Variants in ZNF600 observed in about 807,000 individuals in gnomAD.
The protein encoded by ZNF600 is zinc finger protein KR-ZNF1.
A neutral mutation model predicts 7.3 loss-of-function variants in ZNF600; 4 were observed. That is an observed-to-expected ratio of 0.55 (90% CI 0.27 to 1.25). The LOEUF (loss-of-function observed/expected upper bound fraction) is 1.25. Among genes scored for constraint, ZNF600 ranks in the 50% most tolerant of loss-of-function variants. The pLI, the probability that ZNF600 is intolerant of heterozygous loss-of-function variation, is 0.12. For synonymous variants in ZNF600, 290 were observed against 308.9 expected (o/e 0.94, Z 0.64); for missense variants, 911 against 922.1 (o/e 0.99, Z 0.16).
At chr19:52,766,856 T>G in exon 4 of ZNF600, 1 of 1,614,190 alleles carries the variant, frequency 6.2e-7, no homozygotes, top group Non-Finnish European at 8.5e-7. Flanking sequence ...ATTTGTAAGG[T>G]TTCTCTCCAG....
At chr19:52,776,053 C>T (rs534089262) in intron 2 of ZNF600, among the ~76,000 whole-genome samples, 1 of 140,474 alleles carries the variant, frequency 7.1e-6, no homozygotes, top group East Asian at 2.0e-4. Context: ...ACAGCAATAG[C>T]CATGACTAAC....
intron 1 of ZNF600, among the ~76,000 whole-genome samples, chr19:52,784,399 C>T (rs924174981): frequency 6.6e-6 from 1 of 152,122 alleles, no homozygotes; most frequent in African/African-American, 2.4e-5. Flanking sequence ...GAGCCAGACC[C>T]TGTCTCAAAA....
At chr19:52,832,418 T>C in the ZNF600 span, among the ~76,000 whole-genome samples, 4 of 151,506 alleles carry the variant, frequency 2.6e-5, no homozygotes, top group Non-Finnish European at 5.9e-5. Context: ...TATGGTGAAA[T>C]CTCATCTCTA....
upstream of ZNF600, among the ~76,000 whole-genome samples, chr19:52,787,506 A>C (rs1251880674): frequency 8.6e-5 from 12 of 139,176 alleles, no homozygotes; most frequent in Non-Finnish European, 1.5e-4. Flanking sequence ...TCCCGGGTTC[A>C]CGCCCTTCTC....
At chr19:52,786,814 G>T, upstream of ZNF600, 1 of 334,810 alleles carries the variant, frequency 3.0e-6, no homozygotes, top group Non-Finnish European at 6.3e-6. Flanking sequence ...GGGCAGGTTG[G>T]CTGGACCTGG....
intron 2 of ZNF600, among the ~76,000 whole-genome samples, chr19:52,775,467 A>G (rs746388230): frequency 6.7e-6 from 1 of 149,764 alleles, no homozygotes; most frequent in African/African-American, 2.5e-5. Context: ...GGAGGATCGC[A>G]TGAATCCGAG....
chr19:52,785,213 C>T (rs2062754042), intron 1 of ZNF600, among the ~76,000 whole-genome samples: 1 of 151,780 alleles, frequency 6.6e-6, no homozygotes, highest in Non-Finnish European at 1.5e-5. Flanking sequence ...TCTTCCACCT[C>T]TTCTGCTCCA....
At chr19:52,808,912 A>C in the ZNF600 span, among the ~76,000 whole-genome samples, 11 of 152,348 alleles carry the variant, frequency 7.2e-5, no homozygotes, top group Non-Finnish European at 1.2e-4. Flanking sequence ...GACTCACAAA[A>C]CACTAGATGT....
chr19:52,820,350 C>T, the ZNF600 span, among the ~76,000 whole-genome samples: 1 of 137,836 alleles, frequency 7.3e-6, no homozygotes. Context: ...ATCTCCTGAC[C>T]TCATGATCCA....
chr19:52,825,374 C>T, the ZNF600 span, among the ~76,000 whole-genome samples: 1 of 151,992 alleles, frequency 6.6e-6, no homozygotes, highest in Non-Finnish European at 1.5e-5. Flanking sequence ...GATAAAATAC[C>T]ACAACAAAAC....
the ZNF600 span, among the ~76,000 whole-genome samples, chr19:52,813,257 A>AAAAAAAAAAAC: frequency 6.8e-6 from 1 of 146,322 alleles, no homozygotes; most frequent in Non-Finnish European, 1.5e-5. Flanking sequence ...GTGAAAAAAA[A>AAAAAAAAAAAC]AAAAAAAAAA....
the ZNF600 span, chr19:52,809,714 C>A: frequency 5.1e-6 from 2 of 391,824 alleles, no homozygotes; most frequent in African/African-American, 4.3e-5. Flanking sequence ...GCTGAGGCAG[C>A]AAAACGCTTT....
At chr19:52,809,449 G>C in the ZNF600 span, among the ~76,000 whole-genome samples, 1 of 152,182 alleles carries the variant, frequency 6.6e-6, no homozygotes, top group South Asian at 2.1e-4. Context: ...GGAACACAAA[G>C]AAGAAAATAG....
chr19:52,776,107 A>C (rs537595442), intron 2 of ZNF600, among the ~76,000 whole-genome samples: 8 of 133,546 alleles, frequency 6.0e-5, no homozygotes, highest in African/African-American at 2.1e-4. Flanking sequence ...CCCATGTCTT[A>C]AGCCATAAAA....
At chr19:52,781,943 C>T (rs1342668452) in intron 1 of ZNF600, among the ~76,000 whole-genome samples, 1 of 151,646 alleles carries the variant, frequency 6.6e-6, no homozygotes, top group African/African-American at 2.4e-5. Context: ...TGCCTGTAAT[C>T]CCAGCTATTC....
chr19:52,766,633 A>C (rs770727145), exon 4 of ZNF600: 2 of 1,613,806 alleles, frequency 1.2e-6, no homozygotes, highest in African/African-American at 2.7e-5. Flanking sequence ...CTATGATGGC[A>C]TACAAGGGAT....
intron 1 of ZNF600, among the ~76,000 whole-genome samples, chr19:52,783,854 G>C (rs1049988347): frequency 3.3e-5 from 5 of 151,786 alleles, no homozygotes; most frequent in African/African-American, 1.2e-4. Flanking sequence ...CCAATGGTGC[G>C]ATCTCAGCTC....
chr19:52,810,953 G>A, the ZNF600 span, among the ~76,000 whole-genome samples: 9 of 131,484 alleles, frequency 6.8e-5, no homozygotes, highest in African/African-American at 2.5e-4. Context: ...AAAGCTGGAC[G>A]GTACTGCTGC....
the ZNF600 span, among the ~76,000 whole-genome samples, chr19:52,820,062 A>C: frequency 6.9e-6 from 1 of 144,246 alleles, no homozygotes; most frequent in African/African-American, 2.8e-5. Flanking sequence ...TCTCTACTAG[A>C]AATACAAAAA....
Sources: gnomAD v4.1 joint callset for allele counts (sites outside exome capture counted in the v4.1 genomes callset) on GRCh38, gnomAD v4.1.1 for gene constraint, MANE v1.5 for transcripts, NCBI Gene and HGNC (gene_info 2026-07-23, HGNC 2026-07-21) for gene names.